The following DMD variants were observed in gnomAD, a reference collection of about 807,000 sequenced individuals.
DMD encodes mutant dystrophin.
Under a neutral mutation model 330.1 loss-of-function variants are expected in DMD, and 63 were observed. That is an observed-to-expected ratio of 0.19 (90% CI 0.16 to 0.24). The LOEUF is 0.24. Ranked by LOEUF, DMD falls within the 10% of genes least tolerant of loss-of-function variation. The pLI is 1.00. For synonymous variants in DMD, 1,223 were observed against 959.8 expected, an observed-to-expected ratio of 1.27 and a Z score of -5.07; for missense variants, 3,344 against 2,684.1, an observed-to-expected ratio of 1.25 and a Z score of -5.43.
intron 1 of DMD, among the ~76,000 whole-genome samples, chrX:33,206,236 G>A (rs1459096862): frequency 8.9e-6 from 1 of 112,188 alleles, no homozygotes; most frequent in Non-Finnish European, 1.9e-5. Flanking sequence ...AAATTGGCAT[G>A]AGAAAATCAA....
At chrX:32,656,338 G>A (rs190561542) in intron 9 of DMD, among the ~76,000 whole-genome samples, 109 of 111,712 alleles carry the variant, frequency 9.8e-4, no homozygotes, top group African/African-American at 3.5e-3. Context: ...CTGGGCAACA[G>A]GACTATGGAT....
intron 47 of DMD, among the ~76,000 whole-genome samples, chrX:31,919,849 C>T (rs183939198): frequency 8.9e-6 from 1 of 112,280 alleles, no homozygotes; most frequent in Non-Finnish European, 1.9e-5. Context: ...GAGGGGAATG[C>T]TGATTTTGGC....
intron 1 of DMD, among the ~76,000 whole-genome samples, chrX:33,108,390 C>T (rs2148415792): frequency 9.1e-6 from 1 of 110,425 alleles, no homozygotes; most frequent in East Asian, 2.9e-4. Context: ...CCTCAGCACC[C>T]CCGAGTAGCT....
At chrX:32,864,493 T>A (rs1484067602) in intron 2 of DMD, among the ~76,000 whole-genome samples, 4 of 112,363 alleles carry the variant, frequency 3.6e-5, no homozygotes, top group Non-Finnish European at 5.6e-5. Flanking sequence ...TTCTTTCTTC[T>A]ATCATTTCCA....
intron 11 of DMD, among the ~76,000 whole-genome samples, chrX:32,626,119 CATTTAGAAACTAAA>C (rs1222482746): frequency 8.9e-6 from 1 of 112,046 alleles, no homozygotes; most frequent in Non-Finnish European, 1.9e-5. Flanking sequence ...AAATGCACGC[CATTTAGAAACTAAA>C]ATTGTACTGA....
chrX:32,376,474 G>A (rs2097903350), intron 34 of DMD, among the ~76,000 whole-genome samples: 1 of 110,752 alleles, frequency 9.0e-6, no homozygotes, highest in Non-Finnish European at 1.9e-5. Context: ...GTTGTGATGG[G>A]ACCTTATTGA....
rs147341497 is a variant in DMD, at chrX:32,449,406, A to G, written c.3604-768T>C. Reference sequence around the variant, plus strand: ...GCCCAACACTCTCCTATCCTGGTTAATATGAACGAACGCCGTTTCTTTATT... The same window carrying G: ...GCCCAACACTCTCCTATCCTGGTTAGTATGAACGAACGCCGTTTCTTTATT... On this transcript the variant is annotated intron_variant, in intron 26 of 78. Transcript: ENST00000357033. Among the ~76,000 whole-genome samples, 447 of 110,195 alleles carry G rather than the reference A, an allele frequency of 4.1e-3. 3 individuals carry two copies. The highest frequency in any genetic ancestry group is 0.014 in the African/African-American group (425 of 30,459).
At chrX:33,259,064 C>T (rs1237874279) in intron 1 of DMD, among the ~76,000 whole-genome samples, 3 of 111,034 alleles carry the variant, frequency 2.7e-5, no homozygotes, top group East Asian at 2.8e-4. Flanking sequence ...TGAAGATGGG[C>T]GCTTCCAAAG....
intron 60 of DMD, among the ~76,000 whole-genome samples, chrX:31,432,066 G>A (rs777836872): frequency 9.0e-5 from 10 of 111,572 alleles, no homozygotes; most frequent in Non-Finnish European, 1.7e-4. Flanking sequence ...GCTCACCTCG[G>A]CCTCCCAGAG....
chrX:31,312,934 T>C lies in DMD; in HGVS notation c.9224+10664A>G, dbSNP rs568851791. ...CACATGGACACAGAGAGGGAAACAA[T>C]GCACACCAGGGCCTGTTGGGGTTTG... On this transcript the variant is annotated intron_variant, in intron 62 of 78. Transcript: ENST00000357033. Among the ~76,000 whole-genome samples, 5 of 109,943 alleles carry C rather than the reference T, an allele frequency of 4.5e-5. No individual in the cohort carries two copies. In the South Asian group the frequency reaches 2.0e-3, roughly 44 times the overall value.
intron 44 of DMD, among the ~76,000 whole-genome samples, chrX:32,201,160 G>A (rs1200990046): frequency 8.9e-6 from 1 of 111,910 alleles, no homozygotes; most frequent in Non-Finnish European, 1.9e-5. Context: ...ATGTACTTGT[G>A]ATAAATTTTA....
At chrX:31,425,695 T>TACACACACACACACACGCACACAC (rs939732484) in intron 60 of DMD, among the ~76,000 whole-genome samples, 1 of 103,591 alleles carries the variant, frequency 9.7e-6, no homozygotes, top group African/African-American at 3.8e-5. Context: ...CAGGCATGAG[T>TACACACACACACACACGCACACAC]ACACACACAC....
At chrX:32,317,980 T>C (rs1401178719) in intron 41 of DMD, among the ~76,000 whole-genome samples, 1 of 111,072 alleles carries the variant, frequency 9.0e-6, no homozygotes, top group East Asian at 2.8e-4. Context: ...TGTATCTGAT[T>C]ATCTTTCCTC....
chrX:32,899,173 G>A (rs369695569), intron 2 of DMD, among the ~76,000 whole-genome samples: 6 of 112,173 alleles, frequency 5.3e-5, no homozygotes, highest in African/African-American at 1.9e-4. Flanking sequence ...CTGGGCACAG[G>A]CGTGCCATTT....
At chrX:32,369,757 T>A (rs1305903891) in intron 34 of DMD, among the ~76,000 whole-genome samples, 1 of 111,120 alleles carries the variant, frequency 9.0e-6, no homozygotes, top group Non-Finnish European at 1.9e-5. Flanking sequence ...TTCCACCCCC[T>A]CTTTTTAAAC....
chrX:32,345,638 A>C (rs925949139), intron 39 of DMD, among the ~76,000 whole-genome samples: 1 of 111,018 alleles, frequency 9.0e-6, no homozygotes, highest in Non-Finnish European at 1.9e-5. Flanking sequence ...GGTTTTTTTC[A>C]ATATAAAGTA....
intron 48 of DMD, among the ~76,000 whole-genome samples, chrX:31,855,406 T>TTA (rs1450018920): frequency 3.6e-5 from 4 of 112,331 alleles, no homozygotes; most frequent in Non-Finnish European, 7.5e-5. Context: ...CATCTCTAAG[T>TTA]TATTATCCAT....
intron 1 of DMD, among the ~76,000 whole-genome samples, chrX:33,263,789 C>T (rs1387471693): frequency 9.1e-6 from 1 of 109,788 alleles, no homozygotes; most frequent in African/African-American, 3.3e-5. Flanking sequence ...TTAATTTATA[C>T]CCTGAAATAA....
At chrX:32,522,330 T>C (rs150879112) in intron 17 of DMD, among the ~76,000 whole-genome samples, 1,465 of 111,963 alleles carry the variant, frequency 0.013, 27 homozygotes, top group Admixed American at 0.066. Context: ...CTCTCTTTTA[T>C]GTACTACTGG....
Sources: allele counts gnomAD v4.1 joint callset (sites outside exome capture counted in the v4.1 genomes callset), GRCh38; gene constraint gnomAD v4.1.1; transcripts MANE v1.5; gene names NCBI Gene and HGNC (gene_info 2026-07-23, HGNC 2026-07-21).